The following NBEAL1 variants were observed in gnomAD, a reference collection of about 807,000 sequenced individuals.
NBEAL1 encodes the protein neurobeachin-like protein 1.
In NBEAL1, 273 loss-of-function variants were observed where a neutral mutation model predicts 351.3. The ratio of observed to expected loss-of-function variants is 0.78; its 90% CI spans 0.70 to 0.86. The LOEUF is 0.86. NBEAL1 is among the 40% of genes least tolerant of loss of function. The pLI is 0.00. For missense variants in NBEAL1, 2,961 were observed against 3,201.3 expected (o/e 0.92, Z 1.81); for synonymous variants, 1,050 against 1,086.4 (o/e 0.97, Z 0.66).
At chr2:203,068,920 G>A (rs536689239) in intron 7 of NBEAL1, among the ~76,000 whole-genome samples, 6 of 152,038 alleles carry the variant, frequency 3.9e-5, no homozygotes, top group East Asian at 1.9e-4. Context: ...AGTAGAGACC[G>A]GGTTTCACCA....
At chr2:203,150,621 CAT>C in intron 34 of NBEAL1, among the ~76,000 whole-genome samples, 1 of 151,716 alleles carries the variant, frequency 6.6e-6, no homozygotes, top group East Asian at 1.9e-4. Context: ...TTTTTGGTGT[CAT>C]ATCTAAGAAA....
intron 29 of NBEAL1, among the ~76,000 whole-genome samples, chr2:203,137,441 C>T (rs549797956): frequency 6.6e-5 from 10 of 152,140 alleles, no homozygotes; most frequent in Admixed American, 1.3e-4. Flanking sequence ...AATGGTAGTA[C>T]ACCGGGGAAG....
intron 54 of NBEAL1, 34 bp downstream of exon 54, chr2:203,211,140 GA>G (rs1282001705): frequency 7.0e-7 from 1 of 1,434,532 alleles, no homozygotes. Flanking sequence ...TATCACTTAA[GA>G]AAAGGGGCAG....
intron 36 of NBEAL1, among the ~76,000 whole-genome samples, chr2:203,162,779 G>A (rs928576335): frequency 6.6e-6 from 1 of 152,134 alleles, no homozygotes; most frequent in Non-Finnish European, 1.5e-5. Flanking sequence ...CAATACTGTA[G>A]CAAATTAATA....
At chr2:203,057,912 C>T (rs1230910388) in intron 6 of NBEAL1, among the ~76,000 whole-genome samples, 1 of 146,694 alleles carries the variant, frequency 6.8e-6, no homozygotes, top group African/African-American at 2.5e-5. Context: ...GGCATGATTT[C>T]AGCTCACTGC....
At chr2:203,191,115 T>C (rs1447387230) in intron 46 of NBEAL1, 74 of 1,597,662 alleles carry the variant, frequency 4.6e-5, no homozygotes, top group Non-Finnish European at 6.1e-5. Flanking sequence ...TCGTCAACAT[T>C]GTTCGACAGA....
chr2:203,191,475 T>C (rs1194197716), intron 46 of NBEAL1: 2 of 495,102 alleles, frequency 4.0e-6, no homozygotes, highest in African/African-American at 1.9e-5. Flanking sequence ...GAAATTAATC[T>C]AATGGTAGTT....
At position 203,138,253 on chromosome 2, in the gene NBEAL1, C is replaced by T; in HGVS notation, c.4657C>T (p.Leu1553=). 1 of 1,614,020 alleles carries T rather than the reference C, an allele frequency of 6.2e-7. No homozygotes were observed. Among genetic ancestry groups the T allele is most frequent in the Non-Finnish European group, 8.5e-7 (1 of 1,179,920 alleles). The part of the protein sequence containing the change: ...VTAENAFRLV[L]IIQDFLQSEG... ...TGCTGAAAACGCCTTCCGACTAGTG[C>T]TGATCATACAGGACTTTCTTCAGTC... Residue 1553 remains leucine (L), a synonymous_variant, in exon 30 of 56, where the codon CTG becomes TTG. Transcript: ENST00000683969.
rs71928655 is a variant in NBEAL1 at position 203,161,628 on chromosome 2, CAAATAAATAAATAAATAAAT to C, written c.5714+3839_5714+3858del. Among the ~76,000 whole-genome samples, 576 of 137,128 alleles carry C rather than the reference CAAATAAATAAATAAATAAAT, an allele frequency of 4.2e-3. 5 individuals carry two copies. The highest frequency in any genetic ancestry group is 7.4e-3 in the East Asian group (34 of 4,624). The allele number at this position is 137,128 out of a possible 152,430, so 90.0% of individuals were successfully genotyped here. Reference sequence around the variant, plus strand: ...TGGGTGACAGAGCAAGACTCCGTCTCAAATAAATAAATAAATAAATAAATAAATAAATAAATAAATAAATA... The same window carrying C: ...TGGGTGACAGAGCAAGACTCCGTCTCAAATAAATAAATAAATAAATAAATA... On this transcript the variant is annotated intron_variant, in intron 36 of 55. Transcript: ENST00000683969.
intron 3 of NBEAL1, among the ~76,000 whole-genome samples, chr2:203,045,953 T>C (rs2061218256): frequency 6.6e-6 from 1 of 152,210 alleles, no homozygotes; most frequent in African/African-American, 2.4e-5. Flanking sequence ...GATCTTTCTA[T>C]ATTTCACAGC....
rs57126638 is a variant in NBEAL1, at chr2:203,119,424, C to CTTTT, written c.2593-2813_2593-2810dup. On this transcript the variant is annotated intron_variant, in intron 18 of 55. Transcript: ENST00000683969. ...GTGAGCCACTGCATACGGCCTGTTG[C>CTTTT]TTTTTTTTTTTTTTTTTTTTGAGAC... Among the ~76,000 whole-genome samples, 263 of 66,656 alleles carry CTTTT rather than the reference C, an allele frequency of 3.9e-3. 79 individuals carry two copies. The East Asian group carries it at 0.11, about 29-fold the overall frequency. 43.7% of individuals were successfully genotyped at this position (66,656 alleles called of 152,430 possible).
In NBEAL1 at chr2:203,135,804, A is replaced by G. The variant is rs2063188135; in HGVS notation, c.3941A>G (p.His1314Arg). Residue 1314 changes from histidine to arginine, a missense_variant, in exon 28 of 56, where the codon CAC (histidine) becomes CGC (arginine). Transcript: ENST00000683969. ...GAAAACGGAAATACTCTTCATAAGC[A>G]CAGTAGAGCTGTTTTAATGAAAGAC... Reference protein sequence around the residue: ...KFENGNTLHKHSRAVLMKDND... With the variant: ...KFENGNTLHKRSRAVLMKDND... The G allele has an allele frequency of 6.2e-7, 1 of 1,613,512 alleles. No homozygotes were observed. Among genetic ancestry groups the G allele is most frequent in the Non-Finnish European group, 8.5e-7 (1 of 1,179,704 alleles).
intron 29 of NBEAL1, among the ~76,000 whole-genome samples, chr2:203,137,959 G>A (rs1416011900): frequency 6.6e-6 from 1 of 151,440 alleles, no homozygotes; most frequent in Non-Finnish European, 1.5e-5. Flanking sequence ...ACTCCGGCCT[G>A]GGCGACAAGA....
intron 10 of NBEAL1, among the ~76,000 whole-genome samples, chr2:203,093,224 T>C (rs2062102972): frequency 1.2e-5 from 1 of 86,422 alleles, no homozygotes. Flanking sequence ...AGAGGGAGAC[T>C]CTGTCTAAAA....
At chr2:203,188,406 G>T in intron 44 of NBEAL1, 66 bp from the exon 45 acceptor site, 1 of 849,368 alleles carries the variant, frequency 1.2e-6, no homozygotes, top group Non-Finnish European at 1.7e-6. Context: ...CTTTTTTAAA[G>T]AACTGAATTT....
chr2:203,088,905 G>T (rs7592646), intron 10 of NBEAL1, among the ~76,000 whole-genome samples: 1 of 152,168 alleles, frequency 6.6e-6, no homozygotes, highest in East Asian at 1.9e-4. Context: ...GAATTGCAGA[G>T]ATACCCCAAG....
chr2:203,208,609 T>G, intron 51 of NBEAL1, 28 bp from the exon 52 acceptor site: 1 of 1,518,946 alleles, frequency 6.6e-7, no homozygotes, highest in Admixed American at 1.8e-5. Context: ...AAACCACCTT[T>G]ACCTTTGCTT....
chr2:203,041,886 G>C (rs1228961257), intron 3 of NBEAL1, 30 bp downstream of exon 3: 1 of 1,438,934 alleles, frequency 6.9e-7, no homozygotes, highest in Non-Finnish European at 9.5e-7. Context: ...TGTAACCCCT[G>C]GATGAGTTTT....
intron 51 of NBEAL1, among the ~76,000 whole-genome samples, chr2:203,207,512 C>G (rs182123863): frequency 3.3e-5 from 5 of 152,172 alleles, no homozygotes; most frequent in East Asian, 3.8e-4. Context: ...GGATGGTTGC[C>G]GTGTCTGTGT....
Sources: allele counts gnomAD v4.1 joint callset (sites outside exome capture counted in the v4.1 genomes callset), GRCh38; gene constraint gnomAD v4.1.1; transcripts MANE v1.5; gene names NCBI Gene and HGNC (gene_info 2026-07-23, HGNC 2026-07-21).